CPNE4: variants seen among roughly 807,000 people sequenced by gnomAD.
CPNE4 encodes copine-4.
Under a neutral mutation model 67.9 loss-of-function variants are expected in CPNE4, and 25 were observed. The observed-to-expected ratio is 0.37, with a 90% confidence interval of 0.27 to 0.51. The LOEUF (loss-of-function observed/expected upper bound fraction) is 0.51, where lower values mean the gene tolerates loss of function less well. Ranked by LOEUF, CPNE4 falls within the 20% of genes least tolerant of loss-of-function variation. CPNE4 has a pLI of 0.93. For synonymous variants in CPNE4, 242 were observed against 244.9 expected (o/e 0.99, Z 0.11); for missense variants, 464 against 690.8 (o/e 0.67, Z 3.68).
intron 1 of CPNE4, among the ~76,000 whole-genome samples, chr3:131,953,254 A>T (rs9880455): frequency 1.7e-4 from 21 of 122,244 alleles, no homozygotes; most frequent in African/African-American, 2.4e-4. Context: ...AAAAAAAAAA[A>T]AAAAAAAAAA....
chr3:131,903,833 G>A (rs2088642892), intron 2 of CPNE4, among the ~76,000 whole-genome samples: 1 of 152,012 alleles, frequency 6.6e-6, no homozygotes, highest in African/African-American at 2.4e-5. Context: ...ATTTCATGAT[G>A]TGTCCCCTTG....
At chr3:131,722,452 C>T (rs867325153) in intron 3 of CPNE4, among the ~76,000 whole-genome samples, 8 of 146,952 alleles carry the variant, frequency 5.4e-5, no homozygotes, top group South Asian at 2.2e-4. Context: ...TACCCCCCCA[C>T]GTTTGTTCTG....
At chr3:131,922,444 G>C (rs2070767518) in intron 1 of CPNE4, among the ~76,000 whole-genome samples, 1 of 152,188 alleles carries the variant, frequency 6.6e-6, no homozygotes, top group Non-Finnish European at 1.5e-5. Flanking sequence ...CATAAACTAA[G>C]AGAGACAGGT....
chr3:131,970,000 T>C (rs1184169389), intron 1 of CPNE4, among the ~76,000 whole-genome samples: 1 of 152,206 alleles, frequency 6.6e-6, no homozygotes, highest in East Asian at 1.9e-4. Flanking sequence ...CTTGTGTTCA[T>C]AATTGGTGCT....
intron 7 of CPNE4, among the ~76,000 whole-genome samples, chr3:131,604,167 G>C (rs1049865404): frequency 6.6e-6 from 1 of 152,002 alleles, no homozygotes; most frequent in Non-Finnish European, 1.5e-5. Context: ...AACAGAGAGG[G>C]ATTTTAGAAG....
intron 2 of CPNE4, among the ~76,000 whole-genome samples, chr3:131,876,199 C>G (rs1022098585): frequency 1.3e-5 from 2 of 149,630 alleles, no homozygotes; most frequent in African/African-American, 4.9e-5. Context: ...AGATGGCACC[C>G]CTGCACTCCA....
At chr3:131,908,188 C>A (rs2088842235) in intron 1 of CPNE4, among the ~76,000 whole-genome samples, 1 of 152,074 alleles carries the variant, frequency 6.6e-6, no homozygotes, top group South Asian at 2.1e-4. Flanking sequence ...GTCATACATC[C>A]CTTCTACTTG....
At chr3:131,710,211 C>A (rs1355294441) in intron 3 of CPNE4, among the ~76,000 whole-genome samples, 1 of 152,126 alleles carries the variant, frequency 6.6e-6, no homozygotes, top group Non-Finnish European at 1.5e-5. Flanking sequence ...GAATACATAT[C>A]AGTTATTTTC....
At chr3:131,595,607 C>A (rs1297574764) in intron 7 of CPNE4, among the ~76,000 whole-genome samples, 1 of 152,136 alleles carries the variant, frequency 6.6e-6, no homozygotes, top group Non-Finnish European at 1.5e-5. Context: ...CAGCATGTAA[C>A]ACGGTGAGAG....
intron 7 of CPNE4, among the ~76,000 whole-genome samples, chr3:131,635,534 T>C (rs1274458691): frequency 1.3e-5 from 2 of 152,208 alleles, no homozygotes; most frequent in Admixed American, 6.5e-5. Context: ...AAAAACTCAA[T>C]TCCTCTGCTT....
intron 7 of CPNE4, among the ~76,000 whole-genome samples, chr3:131,603,592 T>C (rs901678370): frequency 6.6e-6 from 1 of 152,158 alleles, no homozygotes; most frequent in Non-Finnish European, 1.5e-5. Context: ...TGTAACTTCA[T>C]AACCTTACAA....
At chr3:131,835,213 G>C (rs932518698) in intron 2 of CPNE4, among the ~76,000 whole-genome samples, 1 of 152,106 alleles carries the variant, frequency 6.6e-6, no homozygotes, top group African/African-American at 2.4e-5. Context: ...CAGCAACTCA[G>C]ACCACAAAAG....
At chr3:131,941,949 TGTAA>T (rs1173877258) in intron 1 of CPNE4, among the ~76,000 whole-genome samples, 7 of 152,118 alleles carry the variant, frequency 4.6e-5, no homozygotes, top group African/African-American at 7.2e-5. Context: ...ATGTTTATTA[TGTAA>T]GTGTTATTTT....
At chr3:131,568,701 C>A (rs1937182971) in intron 10 of CPNE4, among the ~76,000 whole-genome samples, 1 of 151,992 alleles carries the variant, frequency 6.6e-6, no homozygotes, top group Non-Finnish European at 1.5e-5. Context: ...GACACCAAGT[C>A]CCCAGTGTGT....
intron 2 of CPNE4, among the ~76,000 whole-genome samples, chr3:131,777,495 A>C (rs1162929720): frequency 6.6e-6 from 1 of 152,050 alleles, no homozygotes; most frequent in Non-Finnish European, 1.5e-5. Context: ...CCCAAAGGGT[A>C]GATGAGGTTG....
chr3:131,794,498 C>T (rs541028450), intron 2 of CPNE4, among the ~76,000 whole-genome samples: 1 of 152,280 alleles, frequency 6.6e-6, no homozygotes, highest in East Asian at 1.9e-4. Context: ...CCACCTCGGC[C>T]TCCCAAAGTG....
At chr3:131,795,401 C>G (rs2083892735) in intron 2 of CPNE4, among the ~76,000 whole-genome samples, 1 of 152,148 alleles carries the variant, frequency 6.6e-6, no homozygotes, top group African/African-American at 2.4e-5. Context: ...AAATTGAGTT[C>G]TCAGTCATGA....
chr3:131,693,590 T>G (rs545845539), intron 5 of CPNE4, among the ~76,000 whole-genome samples: 1 of 152,276 alleles, frequency 6.6e-6, no homozygotes, highest in East Asian at 1.9e-4. Flanking sequence ...TCTGGAAAAC[T>G]CCACTTTACA....
intron 12 of CPNE4, among the ~76,000 whole-genome samples, chr3:131,553,588 C>T (rs1188676169): frequency 6.6e-6 from 1 of 151,996 alleles, no homozygotes; most frequent in East Asian, 1.9e-4. Flanking sequence ...GAGTTAAGCA[C>T]CAGTTGCCAA....
Sources: gnomAD v4.1 joint callset for allele counts (sites outside exome capture counted in the v4.1 genomes callset) on GRCh38, gnomAD v4.1.1 for gene constraint, MANE v1.5 for transcripts, NCBI Gene and HGNC (gene_info 2026-07-23, HGNC 2026-07-21) for gene names.